DYM: variants seen among roughly 807,000 people sequenced by gnomAD.
DYM encodes dyggve-Melchior-Clausen syndrome protein.
DYM carries 78 observed loss-of-function variants against 93.1 expected under a neutral mutation model. The ratio of observed to expected loss-of-function variants is 0.84; its 90% CI spans 0.70 to 1.01. The LOEUF is 1.01. DYM is among the 50% of genes least tolerant of loss of function. The pLI, the probability that DYM is intolerant of heterozygous loss-of-function variation, is 0.00. For missense variants in DYM, 789 were observed against 845.0 expected (o/e 0.93, Z 0.82); for synonymous variants, 321 against 319.7 (o/e 1.00, Z -0.04).
chr18:49,212,874 A>T (rs1414326318), intron 13 of DYM, among the ~76,000 whole-genome samples: 2 of 152,204 alleles, frequency 1.3e-5, no homozygotes, highest in Non-Finnish European at 2.9e-5. Flanking sequence ...TAAGATTATG[A>T]GATTCAAACC....
chr18:49,238,107 A>G (rs112728997), intron 13 of DYM, among the ~76,000 whole-genome samples: 1,637 of 152,320 alleles, frequency 0.011, 29 homozygotes, highest in African/African-American at 0.038. Flanking sequence ...GATGGATATT[A>G]CCACATTCTT....
chr18:49,333,879 C>T (rs1470046556), intron 6 of DYM, 26 bp from the exon 7 acceptor site: 6 of 1,594,922 alleles, frequency 3.8e-6, no homozygotes, highest in Non-Finnish European at 4.3e-6. Flanking sequence ...AACAGAGTAA[C>T]AGTCACTTTG....
chr18:49,080,088 C>T (rs1408733101), intron 17 of DYM, among the ~76,000 whole-genome samples: 2 of 127,094 alleles, frequency 1.6e-5, no homozygotes, highest in Admixed American at 8.4e-5. Flanking sequence ...ACCTCCCGGA[C>T]GGGGCGGCTG....
intron 8 of DYM, among the ~76,000 whole-genome samples, chr18:49,325,401 C>G (rs954076628): frequency 3.9e-5 from 6 of 152,184 alleles, no homozygotes; most frequent in African/African-American, 1.4e-4. Flanking sequence ...ACACTCTGCT[C>G]TCCACACAAG....
At chr18:49,272,728 A>C (rs758743376) in intron 10 of DYM, among the ~76,000 whole-genome samples, 11 of 152,174 alleles carry the variant, frequency 7.2e-5, no homozygotes, top group Admixed American at 1.3e-4. Flanking sequence ...AATATATTTC[A>C]AGAAATATAT....
intron 7 of DYM, 124 bp downstream of exon 7, chr18:49,333,604 A>G (rs1227133134): frequency 7.4e-6 from 8 of 1,085,936 alleles, no homozygotes; most frequent in Non-Finnish European, 1.1e-5. Flanking sequence ...GTTTAAAGAG[A>G]CAATAGAACA....
At chr18:49,264,535 G>A (rs112811255) in intron 11 of DYM, among the ~76,000 whole-genome samples, 141 of 152,076 alleles carry the variant, frequency 9.3e-4, no homozygotes, top group African/African-American at 3.3e-3. Flanking sequence ...TGTCACTTTT[G>A]CTACTCTGAT....
At chr18:49,105,186 T>A (rs1384331337) in intron 16 of DYM, among the ~76,000 whole-genome samples, 2 of 152,256 alleles carry the variant, frequency 1.3e-5, no homozygotes, top group Non-Finnish European at 2.9e-5. Context: ...TTTTCTAGTT[T>A]ATTTGCGTAG....
intron 14 of DYM, among the ~76,000 whole-genome samples, chr18:49,183,244 T>C (rs896565223): frequency 3.3e-5 from 5 of 152,226 alleles, no homozygotes; most frequent in Admixed American, 1.3e-4. Flanking sequence ...TTATTGTAGA[T>C]TGTAAATGCC....
chr18:49,188,789 T>C lies in DYM; in HGVS notation c.1625+20762A>G, dbSNP rs542149778. Among the ~76,000 whole-genome samples, 24 of 152,304 alleles carry C rather than the reference T, an allele frequency of 1.6e-4. 1 individual carries two copies. In the South Asian group the frequency reaches 3.9e-3, roughly 25 times the overall value. ...CACCAATGTGGCACATGTATACGTA[T>C]GTAACTAACCTGCACATTGTGCACA... On this transcript the variant is annotated intron_variant, in intron 14 of 17. Transcript: ENST00000675505.
At position 49,404,738 on chromosome 18, in the gene DYM, G is replaced by A. The variant is rs372301943; in HGVS notation, c.141-13093C>T. 6.2e-4 allele frequency among the ~76,000 whole-genome samples: 94 copies of A among 152,152 alleles called. 1 individual carries two copies. In the South Asian group the frequency reaches 0.013, roughly 22 times the overall value. On this transcript the variant is annotated intron_variant, in intron 2 of 17. Transcript: ENST00000675505. The stretch of plus-strand genomic sequence containing the variant: ...CTCCCTTTGAAAACTGTCCATTCAC[G>A]GCTGGGCATGGTGGCTCACGCCTGT...
chr18:49,424,132 G>A (rs559613648), intron 2 of DYM, among the ~76,000 whole-genome samples: 29 of 151,920 alleles, frequency 1.9e-4, no homozygotes, highest in African/African-American at 5.6e-4. Flanking sequence ...GATGAACATC[G>A]ATGCAAAAAT....
intron 17 of DYM, among the ~76,000 whole-genome samples, chr18:49,053,010 C>G (rs2075156299): frequency 6.6e-6 from 1 of 152,230 alleles, no homozygotes; most frequent in Non-Finnish European, 1.5e-5. Context: ...AGAGAAAACT[C>G]ATCCCTCAAG....
chr18:49,446,198 G>A (rs1441497481), intron 1 of DYM, among the ~76,000 whole-genome samples: 3 of 150,260 alleles, frequency 2.0e-5, no homozygotes, highest in Admixed American at 2.0e-4. Flanking sequence ...CAGGCAGGAG[G>A]ACCATTTGAG....
intron 8 of DYM, among the ~76,000 whole-genome samples, chr18:49,318,107 A>G (rs746321802): frequency 5.3e-5 from 8 of 152,180 alleles, no homozygotes; most frequent in Non-Finnish European, 1.5e-5. Context: ...CCTTGCCCCA[A>G]GGTCCACAAA....
intron 17 of DYM, among the ~76,000 whole-genome samples, chr18:49,055,716 G>A (rs1410586218): frequency 1.3e-5 from 2 of 152,224 alleles, no homozygotes; most frequent in East Asian, 3.8e-4. Context: ...GGGCCAAATG[G>A]GCAGAATGCT....
In DYM at chr18:49,037,283, G is replaced by T. The variant is rs1313605041; in HGVS notation, c.*6772C>A. ...ATATCAGTAATTTGGCTTATTTTTG[G>T]GTTTCATGTGCTGTTTTTAAAATTT... is the stretch of plus-strand genomic sequence containing the variant. On this transcript the variant is annotated 3_prime_UTR_variant, in exon 18 of 18. Transcript: ENST00000675505. Among the ~76,000 whole-genome samples, 1 of 151,656 alleles carries T rather than the reference G, an allele frequency of 6.6e-6. No individual in the cohort carries two copies. The highest frequency in any genetic ancestry group is 2.4e-5 in the African/African-American group (1 of 41,204).
intron 8 of DYM, among the ~76,000 whole-genome samples, chr18:49,289,751 A>ATATATGTG (rs2059950591): frequency 1.2e-4 from 5 of 43,320 alleles, no homozygotes; most frequent in Non-Finnish European, 2.2e-4. Flanking sequence ...ATATATATAT[A>ATATATGTG]TATATATATA....
intron 12 of DYM, 39 bp downstream of exon 12, chr18:49,258,341 T>C (rs1213924080): frequency 7.3e-7 from 1 of 1,370,144 alleles, no homozygotes; most frequent in Non-Finnish European, 1.0e-6. Flanking sequence ...TTAATTGTAC[T>C]GTATGCAAAA....
Sources: gnomAD v4.1 joint callset for allele counts (sites outside exome capture counted in the v4.1 genomes callset) on GRCh38, gnomAD v4.1.1 for gene constraint, MANE v1.5 for transcripts, NCBI Gene and HGNC (gene_info 2026-07-23, HGNC 2026-07-21) for gene names.